TMEM259: variants seen among roughly 807,000 people sequenced by gnomAD.
The protein encoded by TMEM259 is transmembrane protein 259.
TMEM259 carries 26 observed loss-of-function variants against 46.7 expected under a neutral mutation model. The observed-to-expected ratio is 0.56, with a 90% CI of 0.41 to 0.77. The LOEUF (loss-of-function observed/expected upper bound fraction) is 0.77. TMEM259 is among the 30% of genes least tolerant of loss of function. The pLI is 0.00. For synonymous variants in TMEM259, 494 were observed against 395.1 expected (o/e 1.25, Z -2.97); for missense variants, 930 against 900.5 (o/e 1.03, Z -0.42).
rs2039033889 is a variant in TMEM259 at position 1,014,265 on chromosome 19, C to A, written c.434G>T (p.Gly145Val). 3.1e-6 allele frequency: 5 copies of A among 1,613,088 alleles called. No homozygotes were observed. The highest frequency in any genetic ancestry group is 4.2e-6 in the Non-Finnish European group (5 of 1,179,848). Residue 145 changes from glycine to valine, a missense_variant, in exon 2 of 11, where the codon GGC (glycine) becomes GTC (valine). Transcript: ENST00000356663. ...GSFPGLAVEP[G>V]SNLDMEDEEE... ...CTCATCTTCCATGTCCAGGTTGCTG[C>A]CTGGTTCCACGGCCAGGCCCGGGAA... is the stretch of plus-strand genomic sequence containing the variant.
In TMEM259 at chr19:1,009,729, C is replaced by G; in HGVS notation, c.*621G>C. 5 of 818,904 alleles carry G rather than the reference C, an allele frequency of 6.1e-6. No homozygotes were observed. Among genetic ancestry groups the G allele is most frequent in the Non-Finnish European group, 8.6e-6 (5 of 584,090 alleles). 50.7% of individuals were successfully genotyped at this position (818,904 alleles called of 1,614,324 possible). ...AATTAAATAGAATGGAATGAGCGCT[C>G]CTCCGCATTCCTCCCCGAGTGACTG... On this transcript the variant is annotated 3_prime_UTR_variant, in exon 11 of 11. Coordinates refer to ENST00000356663, the MANE Select transcript of TMEM259 (RefSeq NM_001033026.2).
At position 1,020,486 on chromosome 19, in the gene TMEM259, C is replaced by G. The variant is rs1463752433; in HGVS notation, c.225+286G>C. ...CAGGATGGGCCCTGGAGGGAGCTGA[C>G]AGTGAGGTTTCCAGAGTAGAGAACA... On this transcript the variant is annotated intron_variant, in intron 1 of 10. Transcript: ENST00000356663. This position sits in a 1 kb window ranked among gnomAD's most constrained non-coding sequence, Gnocchi z 4.0. 6.6e-6 allele frequency among the ~76,000 whole-genome samples: 1 copy of G among 151,976 alleles called. No homozygotes were observed. Among genetic ancestry groups the G allele is most frequent in the Non-Finnish European group, 1.5e-5 (1 of 67,998 alleles).
At position 1,014,393 on chromosome 19, in the gene TMEM259, A is replaced by C. The variant is rs1480900347; in HGVS notation, c.306T>G (p.Arg102=). 6.2e-7 allele frequency: 1 copy of C among 1,612,848 alleles called. No individual in the cohort carries two copies. The highest frequency in any genetic ancestry group is 8.5e-7 in the Non-Finnish European group (1 of 1,179,886). ...GGATGCCCTCACGCGGCCACTTGTC[A>C]CGCACATGCTCCAGGCAGTTGATGG... is the stretch of plus-strand genomic sequence containing the variant. ...RSPINCLEHV[R]DKWPREGILR... The change falls in exon 2 of 11, where the codon CGT becomes CGG. Residue 102 remains arginine, a synonymous_variant. Transcript: ENST00000356663.
chr19:1,012,402 A>C (rs1422445155), intron 4 of TMEM259, 61 bp downstream of exon 4: 1 of 1,530,080 alleles, frequency 6.5e-7, no homozygotes, highest in Admixed American at 2.0e-5. Flanking sequence ...GCAGGAGGAG[A>C]CCCGAGGGAG....
At position 1,010,802 on chromosome 19, in the gene TMEM259, C is replaced by T. The variant is rs2038883930; in HGVS notation, c.1411G>A (p.Gly471Ser). Residue 471 changes from glycine to serine, a missense_variant, in exon 11 of 11, where the codon GGC (glycine) becomes AGC (serine). Coordinates refer to ENST00000356663, the MANE Select transcript of TMEM259 (RefSeq NM_001033026.2). Reference sequence around the variant, plus strand: ...GGCAGCGCCGTGGGGGTCCCGGGGCCCAGTGGCGGCGCCTGAAGCAGCATC... The same window carrying T: ...GGCAGCGCCGTGGGGGTCCCGGGGCTCAGTGGCGGCGCCTGAAGCAGCATC... ...QEMLLQAPPL[G>S]PGTPTALPDD... The T allele has an allele frequency of 6.3e-7, 1 of 1,576,938 alleles. No homozygotes were observed. The highest frequency in any genetic ancestry group is 1.3e-5 in the African/African-American group (1 of 74,256).
intron 4 of TMEM259, 27 bp from the exon 5 acceptor site, chr19:1,012,215 G>A: frequency 1.3e-6 from 2 of 1,581,690 alleles, no homozygotes; most frequent in East Asian, 2.3e-5. Flanking sequence ...CAGGGAGCCG[G>A]GAGCCCCGCC....
In TMEM259 at chr19:1,020,251, G is replaced by A. The variant is rs2039244804; in HGVS notation, c.225+521C>T. The stretch of plus-strand genomic sequence containing the variant: ...TACAAGGAGGGAGAGAGGGGAGTGG[G>A]GAGTCGACTTCCAGGACAGGGGTTG... On this transcript the variant is annotated intron_variant, in intron 1 of 10. Coordinates refer to ENST00000356663, the MANE Select transcript of TMEM259 (RefSeq NM_001033026.2). The surrounding 1 kb of genome is among the most constrained non-coding windows in gnomAD (Gnocchi z 4.0). Among the ~76,000 whole-genome samples the A allele has an allele frequency of 1.3e-5, 2 of 152,058 alleles. No homozygotes were observed. The highest frequency in any genetic ancestry group is 4.1e-4 in the South Asian group (2 of 4,832).
chr19:1,011,090 C>A lies in TMEM259; in HGVS notation c.1317+6G>T, dbSNP rs1484224018. 6.3e-7 allele frequency: 1 copy of A among 1,581,360 alleles called. No individual in the cohort carries two copies. ...GCCTGCCCCCTGCTTGCCGCCCAGG[C>A]CTCACCTGGATGAAGAGCCAGGAGG... On this transcript the variant is annotated splice_donor_region_variant and intron_variant, in intron 10 of 10. Coordinates refer to ENST00000356663, the MANE Select transcript of TMEM259 (RefSeq NM_001033026.2).
intron 10 of TMEM259, 29 bp from the exon 11 acceptor site, chr19:1,010,924 G>C: frequency 6.4e-7 from 1 of 1,573,938 alleles, no homozygotes. Context: ...GAGTCAGGAC[G>C]GGCCCGCCCC....
At chr19:1,016,693 G>A (rs1279065629) in intron 1 of TMEM259, among the ~76,000 whole-genome samples, 1 of 152,206 alleles carries the variant, frequency 6.6e-6, no homozygotes, top group African/African-American at 2.4e-5. Flanking sequence ...ACATGGCCAG[G>A]AGGGAGGGGC....
At position 1,014,333 on chromosome 19, in the gene TMEM259, C is replaced by T. The variant is rs764857192; in HGVS notation, c.366G>A (p.Ala122=). ...TGTCACAGAACTGTAGGAAGACGGG[C>T]GCGCGGCTCGAGTTGTGCCGCACTT... The part of the protein sequence containing the change: ...RVEVRHNSSR[A]PVFLQFCDSG... The change falls in exon 2 of 11, where the codon GCG becomes GCA. Residue 122 remains alanine (A), a synonymous_variant. Transcript: ENST00000356663. The T allele has an allele frequency of 1.5e-5, 25 of 1,612,958 alleles. No homozygotes were observed. Among genetic ancestry groups the T allele is most frequent in the Middle Eastern group, 3.3e-4 (2 of 6,080 alleles).
rs569824802 is a variant in TMEM259, at chr19:1,020,895, G to A, written c.102C>T (p.Pro34=). Residue 34 remains proline, a synonymous_variant, in exon 1 of 11, where the codon CCC becomes CCT. Transcript: ENST00000356663. This position sits in a 1 kb window ranked among gnomAD's most constrained non-coding sequence, Gnocchi z 4.0. ...ARGPRTPNLN[P]NPLINVRDRL... is the part of the protein sequence containing the mutation. ...GGTCGCGCACGTTGATGAGGGGGTT[G>A]GGGTTGAGATTGGGGGTGCGAGGCC... is the stretch of plus-strand genomic sequence containing the variant. The A allele has an allele frequency of 2.3e-6, 3 of 1,312,166 alleles. No individual in the cohort carries two copies. The highest frequency in any genetic ancestry group is 6.1e-5 in the East Asian group (2 of 33,048). The allele number at this position is 1,312,166 out of a possible 1,614,324, so 81.3% of individuals were successfully genotyped here.
intron 10 of TMEM259, 76 bp downstream of exon 10, chr19:1,011,020 C>A (rs1291614692): frequency 5.2e-6 from 8 of 1,547,168 alleles, no homozygotes; most frequent in Non-Finnish European, 7.0e-6. Context: ...CCCCACAGGG[C>A]ATCCTCCCCG....
intron 1 of TMEM259, 78 bp from the exon 2 acceptor site, chr19:1,014,551 TGATGGGGC>T (rs1568405306): frequency 1.2e-5 from 10 of 844,806 alleles, no homozygotes; most frequent in African/African-American, 9.9e-5. Context: ...TGATGGGGCG[TGATGGGGC>T]GCGCTGGGAC....
rs750855238 is a variant in TMEM259, at chr19:1,014,338, G to A, written c.361C>T (p.Arg121Cys). Reference protein sequence around the residue: ...LRVEVRHNSSRAPVFLQFCDS... With the variant: ...LRVEVRHNSSCAPVFLQFCDS... ...CAGAACTGTAGGAAGACGGGCGCGCGGCTCGAGTTGTGCCGCACTTCCACA... is the reference window on the plus strand; with the variant it reads ...CAGAACTGTAGGAAGACGGGCGCGCAGCTCGAGTTGTGCCGCACTTCCACA... Residue 121 changes from arginine to cysteine, a missense_variant, in exon 2 of 11, where the codon CGC becomes TGC. By Grantham distance (180) the Arg-to-Cys change is radical (BLOSUM62 -3). Transcript: ENST00000356663. 4.0e-5 allele frequency: 64 copies of A among 1,612,918 alleles called. 1 individual carries two copies. Among genetic ancestry groups the A allele is most frequent in the African/African-American group, 8.0e-5 (6 of 74,948 alleles).
intron 1 of TMEM259, among the ~76,000 whole-genome samples, chr19:1,015,382 C>T (rs1332534246): frequency 6.6e-6 from 1 of 152,182 alleles, no homozygotes; most frequent in Non-Finnish European, 1.5e-5. Flanking sequence ...CCCAGGACGG[C>T]CCCACCCCGA....
chr19:1,014,018 T>A (rs566949333), intron 2 of TMEM259, among the ~76,000 whole-genome samples, 174 bp downstream of exon 2: 8 of 152,292 alleles, frequency 5.3e-5, no homozygotes, highest in Admixed American at 1.3e-4. Flanking sequence ...GGGTCTTGCT[T>A]CAGAGCCCCC....
rs1272949439 is a variant in TMEM259, at chr19:1,010,219, C to G, written c.*131G>C. The G allele has an allele frequency of 1.4e-5, 13 of 933,250 alleles. No homozygotes were observed. Among genetic ancestry groups the G allele is most frequent in the East Asian group, 9.2e-5 (3 of 32,486 alleles). The allele number at this position is 933,250 out of a possible 1,614,324, so 57.8% of individuals were successfully genotyped here. On this transcript the variant is annotated 3_prime_UTR_variant, in exon 11 of 11. Transcript: ENST00000356663. ...AAAGCCGCCTTCCGGGCAAACCCCA[C>G]GAAACCCTGAAAGCCCCCGACACAG...
intron 3 of TMEM259, 131 bp from the exon 4 acceptor site, chr19:1,012,704 A>C (rs957833025): frequency 7.9e-7 from 1 of 1,258,530 alleles, no homozygotes. Context: ...GGGTGCTGGG[A>C]GGACCCCTAC....
Sources: gnomAD v4.1 joint callset for allele counts (sites outside exome capture counted in the v4.1 genomes callset) on GRCh38, gnomAD v4.1.1 for gene constraint, Gnocchi (gnomAD v3.1) non-coding constraint, MANE v1.5 for transcripts, NCBI Gene and HGNC (gene_info 2026-07-23, HGNC 2026-07-21) for gene names.